PDE3A: variants seen among roughly 807,000 people sequenced by gnomAD.
PDE3A encodes the protein phosphodiesterase 3A.
In PDE3A, 43 loss-of-function variants were observed where a neutral mutation model predicts 98.3. That is an observed-to-expected ratio of 0.44 (90% CI 0.34 to 0.56). PDE3A has a LOEUF of 0.56. PDE3A is among the 20% of genes least tolerant of loss of function. The pLI is 0.01. For synonymous variants in PDE3A, 663 were observed against 567.9 expected, an observed-to-expected ratio of 1.17 and a Z score of -2.38; for missense variants, 1,427 against 1,440.7, an observed-to-expected ratio of 0.99 and a Z score of 0.15.
intron 4 of PDE3A, among the ~76,000 whole-genome samples, chr12:20,621,090 A>T (rs1356371906): frequency 1.3e-5 from 2 of 152,050 alleles, no homozygotes; most frequent in African/African-American, 4.8e-5. Flanking sequence ...TTGATGAGTA[A>T]CTGCTATATC....
At chr12:20,613,057 G>A (rs1943908313) in intron 2 of PDE3A, among the ~76,000 whole-genome samples, 1 of 151,978 alleles carries the variant, frequency 6.6e-6, no homozygotes, top group Non-Finnish European at 1.5e-5. Context: ...ACATTTTATG[G>A]TATATTAATG....
chr12:20,410,163 G>C (rs926326074), intron 1 of PDE3A, among the ~76,000 whole-genome samples: 1 of 152,076 alleles, frequency 6.6e-6, no homozygotes, highest in Non-Finnish European at 1.5e-5. Context: ...GCTCTTCCCT[G>C]GGATGCACTA....
chr12:20,670,558 T>C (rs1945447336), intron 15 of PDE3A, among the ~76,000 whole-genome samples: 1 of 152,072 alleles, frequency 6.6e-6, no homozygotes, highest in African/African-American at 2.4e-5. Context: ...TCAAAACTGC[T>C]CAACTGCATG....
At chr12:20,511,225 A>G (rs1255601099) in intron 1 of PDE3A, among the ~76,000 whole-genome samples, 1 of 152,096 alleles carries the variant, frequency 6.6e-6, no homozygotes, top group Non-Finnish European at 1.5e-5. Flanking sequence ...CTTGCTCCGC[A>G]TACTGCAGTG....
intron 1 of PDE3A, among the ~76,000 whole-genome samples, chr12:20,411,236 C>T (rs1318128319): frequency 6.6e-6 from 1 of 152,100 alleles, no homozygotes; most frequent in Non-Finnish European, 1.5e-5. Flanking sequence ...CATCAATATC[C>T]ATCTTCAGAA....
intron 2 of PDE3A, among the ~76,000 whole-genome samples, chr12:20,607,533 A>C (rs1395297046): frequency 2.0e-5 from 3 of 152,044 alleles, no homozygotes; most frequent in Non-Finnish European, 2.9e-5. Flanking sequence ...ATAAAACCGC[A>C]CTTTCCTCCA....
At chr12:20,454,665 C>A (rs1205795935) in intron 1 of PDE3A, among the ~76,000 whole-genome samples, 1 of 152,140 alleles carries the variant, frequency 6.6e-6, no homozygotes, top group Non-Finnish European at 1.5e-5. Flanking sequence ...TGTGTCATTC[C>A]CCTCTATGTG....
chr12:20,375,294 A>G (rs1218115965), intron 1 of PDE3A, among the ~76,000 whole-genome samples: 2 of 151,956 alleles, frequency 1.3e-5, no homozygotes, highest in Admixed American at 1.3e-4. Flanking sequence ...TTTGGTAATT[A>G]CCTATATATA....
chr12:20,639,202 T>G (rs1254689626), intron 9 of PDE3A, among the ~76,000 whole-genome samples: 1 of 152,088 alleles, frequency 6.6e-6, no homozygotes, highest in East Asian at 1.9e-4. Context: ...GAAAACAATT[T>G]GACCAAAATT....
At chr12:20,616,517 C>T in intron 4 of PDE3A, 133 bp downstream of exon 4, 2 of 765,980 alleles carry the variant, frequency 2.6e-6, no homozygotes, top group South Asian at 3.6e-5. Context: ...GGAAAGGGTA[C>T]ATGGTTCAAA....
At chr12:20,419,890 C>T (rs955849453) in intron 1 of PDE3A, among the ~76,000 whole-genome samples, 1 of 151,864 alleles carries the variant, frequency 6.6e-6, no homozygotes, top group Non-Finnish European at 1.5e-5. Context: ...AGATGTGTGC[C>T]ACCATGCCTG....
rs542046521 is a variant in PDE3A, at chr12:20,391,207, T to A, written c.960+20963T>A. On this transcript the variant is annotated intron_variant, in intron 1 of 15. Transcript: ENST00000359062. Reference sequence around the variant, plus strand: ...AGTTAACCTTGTAAAATTATCAGGTTGAGTTCCACTTTGATGTTTTTCTTG... The same window carrying A: ...AGTTAACCTTGTAAAATTATCAGGTAGAGTTCCACTTTGATGTTTTTCTTG... Among the ~76,000 whole-genome samples the A allele has an allele frequency of 2.1e-3, 315 of 151,884 alleles. 1 individual carries two copies. The highest frequency in any genetic ancestry group is 7.3e-3 in the African/African-American group (303 of 41,494).
At position 20,650,389 on chromosome 12, in the gene PDE3A, A is replaced by C. The variant is rs9804769; in HGVS notation, c.2770-56A>C. 1,168,622 of 1,171,802 alleles carry C rather than the reference A, an allele frequency of 1. 582,788 individuals carry two copies. The highest frequency in any genetic ancestry group is 1 in the Non-Finnish European group (816,286 of 816,334). 72.6% of individuals were successfully genotyped at this position (1,171,802 alleles called of 1,614,324 possible). A position where few individuals can be genotyped will look rare whatever the true frequency, so the allele number is the denominator to read the frequency against. ...AAATGTTCTATTGTTTTTCTCTTCT[A>C]TTCAACTTTTGTTTTTATCAAAGCA... is the stretch of plus-strand genomic sequence containing the variant. On this transcript the variant is annotated intron_variant, in intron 13 of 15. Coordinates refer to ENST00000359062, the MANE Select transcript of PDE3A (RefSeq NM_000921.5).
intron 4 of PDE3A, 51 bp downstream of exon 4, chr12:20,616,435 A>G: frequency 1.9e-6 from 3 of 1,542,794 alleles, no homozygotes; most frequent in Non-Finnish European, 1.8e-6. Context: ...GTTACTTGCC[A>G]AAAATGAGTT....
intron 1 of PDE3A, among the ~76,000 whole-genome samples, chr12:20,500,375 C>T (rs76013365): frequency 0.04 from 6,041 of 152,196 alleles, 142 homozygotes; most frequent in South Asian, 0.058. Flanking sequence ...GATGGCAATA[C>T]ATTTTGATGC....
chr12:20,522,883 C>T (rs1946454595), intron 1 of PDE3A, among the ~76,000 whole-genome samples: 2 of 151,902 alleles, frequency 1.3e-5, no homozygotes, highest in Non-Finnish European at 2.9e-5. Context: ...AGCTCATTAG[C>T]CATGTGTGAA....
At position 20,654,121 on chromosome 12, in the gene PDE3A, G is replaced by A. The variant is rs1377132293; in HGVS notation, c.3100G>A (p.Gly1034Arg). The change falls in exon 15 of 16, where the codon GGA becomes AGA. Residue 1034 changes from glycine (G) to arginine (R), a missense_variant. Around this residue, in one of 3 missense-constraint regions of PDE3A, gnomAD observed 142 missense variants for 133.9 expected, o/e 1.06. Coordinates refer to ENST00000359062, the MANE Select transcript of PDE3A (RefSeq NM_000921.5). ...ATGGGTGGAAGACAGCGATGAGTCA[G>A]GAGATACTGATGACCCAGAAGAAGA... is the stretch of plus-strand genomic sequence containing the variant. Reference protein sequence around the residue: ...GKWVEDSDESGDTDDPEEEEE... With the variant: ...GKWVEDSDESRDTDDPEEEEE... 6.2e-7 allele frequency: 1 copy of A among 1,614,084 alleles called. No homozygotes were observed. The highest frequency in any genetic ancestry group is 8.5e-7 in the Non-Finnish European group (1 of 1,179,964).
chr12:20,656,873 T>C (rs192260939), intron 15 of PDE3A, among the ~76,000 whole-genome samples: 326 of 152,328 alleles, frequency 2.1e-3, no homozygotes, highest in African/African-American at 7.3e-3. Context: ...GCTCAACTTG[T>C]CAACCTAGCC....
intron 1 of PDE3A, among the ~76,000 whole-genome samples, chr12:20,414,370 A>C (rs1367917355): frequency 1.3e-5 from 2 of 152,214 alleles, no homozygotes; most frequent in African/African-American, 2.4e-5. Flanking sequence ...AGTCTTGTAC[A>C]TCATCCAATC....
Sources: allele counts gnomAD v4.1 joint callset (sites outside exome capture counted in the v4.1 genomes callset), GRCh38; gene constraint gnomAD v4.1.1; regional missense constraint gnomAD v4.1.1; transcripts MANE v1.5; gene names NCBI Gene and HGNC (gene_info 2026-07-23, HGNC 2026-07-21).